PTPRM: variants seen among roughly 807,000 people sequenced by gnomAD.
PTPRM encodes the protein receptor-type tyrosine-protein phosphatase mu.
In PTPRM, 47 loss-of-function variants were observed where a neutral mutation model predicts 186.7. The ratio of observed to expected loss-of-function variants is 0.25; its 90% CI spans 0.20 to 0.32. PTPRM has a LOEUF of 0.32. Ranked by LOEUF, PTPRM falls within the 10% of genes least tolerant of loss-of-function variation. The pLI, the probability that PTPRM is intolerant of heterozygous loss-of-function variation, is 1.00. For synonymous variants in PTPRM, 668 were observed against 674.9 expected (o/e 0.99, Z 0.16); for missense variants, 1,494 against 1,865.0 (o/e 0.80, Z 3.66).
At chr18:7,906,456 A>C (rs1236726808) in intron 3 of PTPRM, 49 bp from the exon 4 acceptor site, 24 of 1,450,652 alleles carry the variant, frequency 1.7e-5, no homozygotes, top group Non-Finnish European at 2.3e-5. Flanking sequence ...ATACTTGGTA[A>C]AAGTAAGACA....
At chr18:8,143,137 T>TATA (rs1374701925) in intron 13 of PTPRM, among the ~76,000 whole-genome samples, 1 of 148,838 alleles carries the variant, frequency 6.7e-6, no homozygotes, top group Non-Finnish European at 1.5e-5. Flanking sequence ...AAAACTCTAT[T>TATA]GTGTTAAAAA....
rs181059156 is a variant in PTPRM, at chr18:8,013,627, C to T, written c.1133-56059C>T. Among the ~76,000 whole-genome samples the T allele has an allele frequency of 6.2e-4, 94 of 152,232 alleles. 1 individual carries two copies. In the East Asian group the frequency reaches 0.011, roughly 18 times the overall value. Reference sequence around the variant, plus strand: ...AGGAAAATCCACATAGAAGTGGACTCGTACAGTTCAAATCTGTGTTGTTCA... The same window carrying T: ...AGGAAAATCCACATAGAAGTGGACTTGTACAGTTCAAATCTGTGTTGTTCA... On this transcript the variant is annotated intron_variant, in intron 7 of 32. Transcript: ENST00000580170.
Position 8,073,815 on chromosome 18 carries a change from A to G in PTPRM, c.1442-2640A>G, listed in dbSNP as rs79573745. Among the ~76,000 whole-genome samples, 1,170 of 152,242 alleles carry G rather than the reference A, an allele frequency of 7.7e-3. 11 individuals carry two copies. Among genetic ancestry groups the G allele is most frequent in the African/African-American group, 0.027 (1,104 of 41,538 alleles). The stretch of plus-strand genomic sequence containing the variant: ...CAGCTACTCAGAAGGTTGAGGTGAG[A>G]GATCACTTAAACCTGGGAGGTTGAG... On this transcript the variant is annotated intron_variant, in intron 8 of 32. Coordinates refer to ENST00000580170, the MANE Select transcript of PTPRM (RefSeq NM_001105244.2).
intron 2 of PTPRM, among the ~76,000 whole-genome samples, chr18:7,854,694 C>G (rs1176677173): frequency 6.7e-6 from 1 of 148,802 alleles, no homozygotes; most frequent in Non-Finnish European, 1.5e-5. Context: ...GAGTGGAAGA[C>G]TTAATTTTTA....
chr18:7,878,477 G>A (rs951198545), intron 2 of PTPRM, among the ~76,000 whole-genome samples: 9 of 152,192 alleles, frequency 5.9e-5, no homozygotes, highest in African/African-American at 2.2e-4. Context: ...AATGTGGGGA[G>A]CTGTCAATCA....
At chr18:7,807,055 C>T (rs1025935384) in intron 2 of PTPRM, among the ~76,000 whole-genome samples, 6 of 152,154 alleles carry the variant, frequency 3.9e-5, no homozygotes, top group Non-Finnish European at 8.8e-5. Flanking sequence ...GAGAGTCTTG[C>T]TTTGGGCAGT....
chr18:7,667,305 A>G (rs2039118297), intron 1 of PTPRM, among the ~76,000 whole-genome samples: 1 of 152,228 alleles, frequency 6.6e-6, no homozygotes, highest in African/African-American at 2.4e-5. Context: ...AGACTTATCA[A>G]AACAGGTCAG....
At chr18:7,806,835 A>T (rs979386955) in intron 2 of PTPRM, among the ~76,000 whole-genome samples, 1 of 152,258 alleles carries the variant, frequency 6.6e-6, no homozygotes, top group East Asian at 1.9e-4. Flanking sequence ...GCAAAAGCCT[A>T]AAATTGTGCT....
chr18:8,077,350 T>C (rs560146539), intron 9 of PTPRM, among the ~76,000 whole-genome samples: 1 of 152,096 alleles, frequency 6.6e-6, no homozygotes, highest in African/African-American at 2.4e-5. Context: ...GACAAAAGCC[T>C]GTAAAGATGA....
intron 13 of PTPRM, among the ~76,000 whole-genome samples, chr18:8,116,026 C>T (rs1216182930): frequency 6.6e-6 from 1 of 152,038 alleles, no homozygotes; most frequent in Non-Finnish European, 1.5e-5. Flanking sequence ...CATATTGTAC[C>T]TAAGTGACTT....
Position 8,157,736 on chromosome 18 carries a change from A to G in PTPRM, c.2300+13957A>G, listed in dbSNP as rs1040714958. Among the ~76,000 whole-genome samples, 18 of 152,208 alleles carry G rather than the reference A, an allele frequency of 1.2e-4. 1 individual carries two copies. The highest frequency in any genetic ancestry group is 2.9e-4 in the African/African-American group (12 of 41,448). On this transcript the variant is annotated intron_variant, in intron 14 of 32. Coordinates refer to ENST00000580170, the MANE Select transcript of PTPRM (RefSeq NM_001105244.2). ...GTAAACCAAAGGTCCTGGGGCATCA[A>G]TACTACCATGCTTGGGGAACGTCCT...
chr18:7,797,139 G>C lies in PTPRM; in HGVS notation c.196+22868G>C, dbSNP rs114686705. Among the ~76,000 whole-genome samples the C allele has an allele frequency of 4.9e-3, 743 of 152,250 alleles. 6 individuals carry two copies. Among genetic ancestry groups the C allele is most frequent in the African/African-American group, 0.017 (703 of 41,544 alleles). Reference sequence around the variant, plus strand: ...TAAAATGAAGATGAAACGCCTACTTGAGTCGAGTGTCTAGGGCTGGGCTTT... The same window carrying C: ...TAAAATGAAGATGAAACGCCTACTTCAGTCGAGTGTCTAGGGCTGGGCTTT... On this transcript the variant is annotated intron_variant, in intron 2 of 32. Transcript: ENST00000580170.
At chr18:7,952,203 C>T (rs775239347) in intron 6 of PTPRM, among the ~76,000 whole-genome samples, 1 of 152,202 alleles carries the variant, frequency 6.6e-6, no homozygotes, top group African/African-American at 2.4e-5. Context: ...TTTACATGTG[C>T]GTATCCATTA....
intron 7 of PTPRM, among the ~76,000 whole-genome samples, chr18:8,014,123 A>C (rs1020220366): frequency 4.6e-5 from 7 of 152,144 alleles, no homozygotes; most frequent in Non-Finnish European, 7.4e-5. Context: ...TGCTTCATTT[A>C]ATTAGGATTT....
intron 1 of PTPRM, among the ~76,000 whole-genome samples, chr18:7,580,062 C>T (rs954798150): frequency 6.6e-6 from 1 of 152,220 alleles, no homozygotes; most frequent in South Asian, 2.1e-4. Context: ...TATGACATCT[C>T]TAACTAGCTG....
At chr18:7,944,499 T>A (rs1197581232) in intron 5 of PTPRM, among the ~76,000 whole-genome samples, 5 of 152,208 alleles carry the variant, frequency 3.3e-5, no homozygotes, top group African/African-American at 1.2e-4. Context: ...ATTCCCAGCA[T>A]CAGAATACAC....
In PTPRM at chr18:8,253,563, C is replaced by T. The variant is rs1021496749; in HGVS notation, c.2754+149C>T. On this transcript the variant is annotated intron_variant, in intron 19 of 32. Transcript: ENST00000580170. ...TGAAGTACAGTTGTCCCTCAGTATT[C>T]TGGGGGATTGGTTCCAGGACCCCAG... is the stretch of plus-strand genomic sequence containing the variant. 5.5e-5 allele frequency: 43 copies of T among 777,136 alleles called. No individual in the cohort carries two copies. The African/African-American group carries it at 6.9e-4, about 12-fold the overall frequency. 48.1% of individuals were successfully genotyped at this position (777,136 alleles called of 1,614,324 possible).
In PTPRM at chr18:8,286,528, G is replaced by T. The variant is rs141372762; in HGVS notation, c.2755-9840G>T. Among the ~76,000 whole-genome samples the T allele has an allele frequency of 2.9e-3, 434 of 152,262 alleles. 1 individual carries two copies. The highest frequency in any genetic ancestry group is 9.7e-3 in the African/African-American group (404 of 41,552). Reference sequence around the variant, plus strand: ...TTGTAGACTAAGGCTGACTGCCAAGGCTTCCCTTACAAGAAGTAATCCATG... The same window carrying T: ...TTGTAGACTAAGGCTGACTGCCAAGTCTTCCCTTACAAGAAGTAATCCATG... On this transcript the variant is annotated intron_variant, in intron 19 of 32. Coordinates refer to ENST00000580170, the MANE Select transcript of PTPRM (RefSeq NM_001105244.2).
At chr18:7,679,502 T>C (rs1046192260) in intron 1 of PTPRM, among the ~76,000 whole-genome samples, 2 of 152,106 alleles carry the variant, frequency 1.3e-5, no homozygotes, top group Non-Finnish European at 2.9e-5. Context: ...CCGTCTTTAC[T>C]AAAGATAAAG....
Sources: allele counts gnomAD v4.1 joint callset (sites outside exome capture counted in the v4.1 genomes callset), GRCh38; gene constraint gnomAD v4.1.1; transcripts MANE v1.5; gene names NCBI Gene and HGNC (gene_info 2026-07-23, HGNC 2026-07-21).